The following TENM2 variants were observed in gnomAD, a reference collection of about 807,000 sequenced individuals.
TENM2 encodes teneurin-2.
A neutral mutation model predicts 245.2 loss-of-function variants in TENM2; 52 were observed. The observed-to-expected ratio is 0.21, with a 90% confidence interval of 0.17 to 0.27. The LOEUF (loss-of-function observed/expected upper bound fraction) is 0.27, where lower values mean the gene tolerates loss of function less well. Ranked by LOEUF, TENM2 falls within the 10% of genes least tolerant of loss-of-function variation. The pLI is 1.00. For synonymous variants in TENM2, 1,363 were observed against 1,438.9 expected, an observed-to-expected ratio of 0.95 and a Z score of 1.19; for missense variants, 3,046 against 3,666.8, an observed-to-expected ratio of 0.83 and a Z score of 4.37.
intron 1 of TENM2, among the ~76,000 whole-genome samples, chr5:167,362,629 T>C (rs893848012): frequency 2.0e-5 from 3 of 152,354 alleles, no homozygotes; most frequent in Admixed American, 2.0e-4. Context: ...GCAAGTGTCA[T>C]GTGCCTTTTG....
chr5:167,206,241 A>G, the TENM2 span, among the ~76,000 whole-genome samples: 6 of 152,054 alleles, frequency 3.9e-5, no homozygotes, highest in African/African-American at 1.4e-4. Flanking sequence ...GCCTCCAAAA[A>G]TGTTTCTGCT....
At chr5:167,579,853 C>T (rs565610345) in intron 2 of TENM2, among the ~76,000 whole-genome samples, 21 of 152,236 alleles carry the variant, frequency 1.4e-4, no homozygotes, top group African/African-American at 4.1e-4. Flanking sequence ...ATCACGATCG[C>T]GTGTGCTGTA....
chr5:168,064,828 C>T (rs758383033), intron 7 of TENM2, among the ~76,000 whole-genome samples: 1 of 152,176 alleles, frequency 6.6e-6, no homozygotes, highest in Non-Finnish European at 1.5e-5. Flanking sequence ...CTTAGAAATT[C>T]GCAAGACAGG....
chr5:167,894,466 G>GAC (rs10694487), intron 3 of TENM2, among the ~76,000 whole-genome samples: 121,958 of 151,932 alleles, frequency 0.8, 49,715 homozygotes, highest in East Asian at 0.98. Flanking sequence ...CCCACTCTGT[G>GAC]ACTAGACTTC....
At chr5:167,941,870 C>CA (rs1779207213) in intron 3 of TENM2, among the ~76,000 whole-genome samples, 1 of 147,584 alleles carries the variant, frequency 6.8e-6, no homozygotes, top group Non-Finnish European at 1.5e-5. Flanking sequence ...ACAACACACA[C>CA]AAAAATCTAA....
At chr5:167,981,615 T>C (rs1782840654) in intron 4 of TENM2, among the ~76,000 whole-genome samples, 1 of 152,168 alleles carries the variant, frequency 6.6e-6, no homozygotes, top group South Asian at 2.1e-4. Context: ...ATTTTTCAGA[T>C]AGAATGCTCC....
intron 10 of TENM2, among the ~76,000 whole-genome samples, chr5:168,119,593 A>G (rs1269962177): frequency 6.6e-6 from 1 of 152,228 alleles, no homozygotes; most frequent in African/African-American, 2.4e-5. Context: ...AATTGGCCAC[A>G]GCTGGTAGGA....
In TENM2 at chr5:167,364,176, CTT is replaced by C. The variant is rs931460956; in HGVS notation, c.227-11016_227-11015del. Among the ~76,000 whole-genome samples, 3 of 151,998 alleles carry C rather than the reference CTT, an allele frequency of 2.0e-5. No homozygotes were observed. In the East Asian group the frequency reaches 5.8e-4, roughly 29 times the overall value. ...TATATAAAAGAGGCAATGACTGAGACTTTTTTTATATTAAGAAATCATGAATT... is the reference window on the plus strand; with the variant it reads ...TATATAAAAGAGGCAATGACTGAGACTTTTTATATTAAGAAATCATGAATT... On this transcript the variant is annotated intron_variant, in intron 1 of 28. Transcript: ENST00000518659.
the TENM2 span, among the ~76,000 whole-genome samples, chr5:167,157,768 G>C: frequency 2.4e-4 from 37 of 152,250 alleles, no homozygotes; most frequent in Admixed American, 5.2e-4. Context: ...TATAATCCAC[G>C]TTAAAAGTTT....
intron 2 of TENM2, among the ~76,000 whole-genome samples, chr5:167,814,654 T>C (rs1766905446): frequency 6.6e-6 from 1 of 150,666 alleles, no homozygotes; most frequent in Non-Finnish European, 1.5e-5. Flanking sequence ...AATATTTATT[T>C]ATTGTAATAT....
At chr5:168,108,493 T>C (rs1794427148) in intron 9 of TENM2, among the ~76,000 whole-genome samples, 1 of 152,198 alleles carries the variant, frequency 6.6e-6, no homozygotes, top group South Asian at 2.1e-4. Context: ...CATGGAAACT[T>C]TGTAGAACCA....
chr5:168,102,883 A>G (rs949959229), intron 9 of TENM2, among the ~76,000 whole-genome samples: 2 of 152,002 alleles, frequency 1.3e-5, no homozygotes, highest in African/African-American at 2.4e-5. Flanking sequence ...GGTAAATTCT[A>G]TTTTTTTTAA....
At position 167,883,303 on chromosome 5, in the gene TENM2, T is replaced by C. The variant is rs575445777; in HGVS notation, c.712+7108T>C. On this transcript the variant is annotated intron_variant, in intron 3 of 28. Coordinates refer to ENST00000518659, the Ensembl canonical transcript of TENM2. ...TCGGCATTGTTAACTTGCCTAGCAATGTACCAAATAGAGATCAGACTTTTC... is the reference window on the plus strand; with the variant it reads ...TCGGCATTGTTAACTTGCCTAGCAACGTACCAAATAGAGATCAGACTTTTC... Among the ~76,000 whole-genome samples, 5 of 152,350 alleles carry C rather than the reference T, an allele frequency of 3.3e-5. No individual in the cohort carries two copies. The South Asian group carries it at 1.0e-3, about 32-fold the overall frequency.
At chr5:167,530,106 T>C (rs1771391933) in intron 2 of TENM2, among the ~76,000 whole-genome samples, 1 of 152,152 alleles carries the variant, frequency 6.6e-6, no homozygotes, top group South Asian at 2.1e-4. Context: ...CAATCCACAA[T>C]AAGATACATG....
rs78827071 is a variant in TENM2 at position 167,491,114 on chromosome 5, C to T, written c.502+115641C>T. Among the ~76,000 whole-genome samples, 260 of 152,258 alleles carry T rather than the reference C, an allele frequency of 1.7e-3. 3 individuals are homozygous for T. Among genetic ancestry groups the T allele is most frequent in the Admixed American group, 0.013 (197 of 15,286 alleles). On this transcript the variant is annotated intron_variant, in intron 2 of 28. Transcript: ENST00000518659. ...TCTCAGACAGATGGAATCTCATGTA[C>T]TGAGATTGGTAGAAAGTATATCTCT...
the TENM2 span, among the ~76,000 whole-genome samples, chr5:167,041,045 G>A: frequency 1.3e-5 from 2 of 152,118 alleles, no homozygotes; most frequent in African/African-American, 2.4e-5. Flanking sequence ...CACATCAGAT[G>A]TTTGCTGAAA....
At chr5:167,579,545 C>A (rs1000221773) in intron 2 of TENM2, among the ~76,000 whole-genome samples, 1 of 152,170 alleles carries the variant, frequency 6.6e-6, no homozygotes, top group African/African-American at 2.4e-5. Flanking sequence ...TCTGACGGTT[C>A]GACAGTCGTA....
At chr5:167,866,139 A>C (rs1772302322) in intron 2 of TENM2, among the ~76,000 whole-genome samples, 2 of 152,218 alleles carry the variant, frequency 1.3e-5, no homozygotes, top group Admixed American at 6.5e-5. Context: ...TGTGGTGATC[A>C]GAAAAGACTT....
chr5:167,368,440 A>T (rs59817073), intron 1 of TENM2, among the ~76,000 whole-genome samples: 122 of 152,232 alleles, frequency 8.0e-4, no homozygotes, highest in African/African-American at 2.9e-3. Flanking sequence ...TTTCCAAAAA[A>T]TACTTGATGA....
Sources: gnomAD v4.1 joint callset for allele counts (sites outside exome capture counted in the v4.1 genomes callset) on GRCh38, gnomAD v4.1.1 for gene constraint, MANE v1.5 for transcripts, NCBI Gene and HGNC (gene_info 2026-07-23, HGNC 2026-07-21) for gene names.